Variants in BHMT observed in about 807,000 individuals in gnomAD.
BHMT encodes betaine--homocysteine S-methyltransferase, also known as betaine--homocysteine S-methyltransferase 1.
In BHMT, 38 loss-of-function variants were observed where a neutral mutation model predicts 49.5. That is an observed-to-expected ratio of 0.77 (90% CI 0.59 to 1.01). BHMT has a LOEUF of 1.01. Among genes scored for constraint, BHMT ranks in the 50% least tolerant of loss-of-function variants. BHMT has a pLI of 0.00. For missense variants in BHMT, 426 were observed against 495.7 expected (o/e 0.86, Z 1.34); for synonymous variants, 166 against 176.3 (o/e 0.94, Z 0.46).
chr5:79,120,399 A>G lies in BHMT; in HGVS notation c.335A>G (p.Asp112Gly), dbSNP rs920732655. Residue 112 changes from aspartate to glycine, a missense_variant, in exon 4 of 8, where the codon GAT becomes GGT. Asp to Gly is a moderately conservative substitution (Grantham distance 94). Transcript: ENST00000274353. Reference sequence around the variant, plus strand: ...TGCGACATCGCCCGACAAGTGGCTGATGAAGGAGATGCTTTGGTAGCAGGA... The same window carrying G: ...TGCGACATCGCCCGACAAGTGGCTGGTGAAGGAGATGCTTTGGTAGCAGGA... ...AACDIARQVA[D>G]EGDALVAGGV... 2.5e-6 allele frequency: 4 copies of G among 1,614,000 alleles called. No homozygotes were observed. The highest frequency in any genetic ancestry group is 3.4e-6 in the Non-Finnish European group (4 of 1,179,972).
intron 3 of BHMT, 170 bp from the exon 4 acceptor site, chr5:79,120,180 T>A (rs921224689): frequency 7.0e-6 from 4 of 573,266 alleles, no homozygotes; most frequent in African/African-American, 1.9e-5. Context: ...ATTAGTGTTA[T>A]TGTTATGGCA....
chr5:79,113,154 G>A (rs1756333844), intron 1 of BHMT, among the ~76,000 whole-genome samples: 4 of 152,220 alleles, frequency 2.6e-5, no homozygotes, highest in Admixed American at 2.0e-4. Flanking sequence ...ATGCAGCATC[G>A]TGGATGCATG....
intron 5 of BHMT, among the ~76,000 whole-genome samples, chr5:79,122,729 A>G (rs1026909796): frequency 2.0e-5 from 3 of 151,444 alleles, no homozygotes; most frequent in African/African-American, 7.3e-5. Flanking sequence ...ATATATAAGT[A>G]TATGTATATA....
chr5:79,116,930 T>A (rs186364472), intron 2 of BHMT, among the ~76,000 whole-genome samples: 1 of 152,300 alleles, frequency 6.6e-6, no homozygotes, highest in Non-Finnish European at 1.5e-5. Flanking sequence ...CCTCATTCTC[T>A]TGCTAAAGTT....
In BHMT at chr5:79,118,469, AAAAC is replaced by A. The variant is rs199901742; in HGVS notation, c.167-761_167-758del. On this transcript the variant is annotated intron_variant, in intron 2 of 7. Coordinates refer to ENST00000274353, the MANE Select transcript of BHMT (RefSeq NM_001713.3). ...GTGACAGAATGAGACTCCATCTCAA[AAAAC>A]AAACAAACAAACAAACAAACAAACA... is the stretch of plus-strand genomic sequence containing the variant. Among the ~76,000 whole-genome samples, 622 of 152,136 alleles carry A rather than the reference AAAAC, an allele frequency of 4.1e-3. 4 individuals are homozygous for A. Among genetic ancestry groups the A allele is most frequent in the African/African-American group, 0.01 (419 of 41,472 alleles).
At chr5:79,126,342 C>T (rs772336039) in intron 6 of BHMT, 114 bp downstream of exon 6, 17 of 1,238,000 alleles carry the variant, frequency 1.4e-5, no homozygotes, top group East Asian at 2.6e-5. Flanking sequence ...CTTGGTGTCT[C>T]CTCATGTCTT....
intron 2 of BHMT, 149 bp from the exon 3 acceptor site, chr5:79,119,110 G>C: frequency 1.6e-6 from 1 of 616,742 alleles, no homozygotes; most frequent in South Asian, 2.2e-5. Context: ...AGAGACTTCA[G>C]ATCTACCTCT....
intron 5 of BHMT, among the ~76,000 whole-genome samples, chr5:79,125,282 C>T (rs1561255114): frequency 6.6e-6 from 1 of 151,708 alleles, no homozygotes; most frequent in Non-Finnish European, 1.5e-5. Context: ...ATGGTGAAAC[C>T]CTGTCTCCAC....
chr5:79,129,614 T>A (rs1341703019), intron 7 of BHMT, among the ~76,000 whole-genome samples: 7 of 152,056 alleles, frequency 4.6e-5, no homozygotes, highest in African/African-American at 1.4e-4. Context: ...AGTTAGCAAG[T>A]TGTAATCGCC....
At chr5:79,119,802 A>T (rs949927840) in intron 3 of BHMT, among the ~76,000 whole-genome samples, 8 of 152,324 alleles carry the variant, frequency 5.3e-5, no homozygotes, top group African/African-American at 1.4e-4. Context: ...ATCAAGGCTG[A>T]GGTTTCCAAA....
At chr5:79,120,580 T>C (rs1355131245) in intron 4 of BHMT, 39 bp downstream of exon 4, 8 of 1,556,236 alleles carry the variant, frequency 5.1e-6, no homozygotes, top group Non-Finnish European at 6.9e-6. Flanking sequence ...CAAATACACC[T>C]AGTACATTTT....
intron 1 of BHMT, among the ~76,000 whole-genome samples, chr5:79,115,267 A>G (rs570942281): frequency 6.6e-6 from 1 of 152,010 alleles, no homozygotes; most frequent in Admixed American, 6.5e-5. Context: ...CAGGAGTTCA[A>G]GTTCCTCTGG....
intron 5 of BHMT, among the ~76,000 whole-genome samples, chr5:79,122,175 T>C (rs2112728081): frequency 6.6e-6 from 1 of 152,200 alleles, no homozygotes; most frequent in African/African-American, 2.4e-5. Context: ...ACTCCTGACC[T>C]CGTGATCCAC....
At chr5:79,124,428 A>C (rs909120355) in intron 5 of BHMT, among the ~76,000 whole-genome samples, 1 of 150,996 alleles carries the variant, frequency 6.6e-6, no homozygotes, top group East Asian at 2.0e-4. Flanking sequence ...GCCCAGTTTT[A>C]CATGATATAT....
intron 5 of BHMT, among the ~76,000 whole-genome samples, chr5:79,123,848 G>C (rs1756510676): frequency 1.3e-5 from 2 of 152,016 alleles, no homozygotes; most frequent in South Asian, 4.2e-4. Flanking sequence ...TACTGCACCT[G>C]GCCCAAAAAA....
intron 5 of BHMT, among the ~76,000 whole-genome samples, chr5:79,124,094 A>G (rs1756513596): frequency 6.6e-6 from 1 of 152,214 alleles, no homozygotes; most frequent in Admixed American, 6.5e-5. Flanking sequence ...GGGCAAATCC[A>G]CAGAGACAGA....
intron 6 of BHMT, among the ~76,000 whole-genome samples, chr5:79,126,533 G>A (rs1481943941): frequency 6.6e-6 from 1 of 152,124 alleles, no homozygotes; most frequent in South Asian, 2.1e-4. Flanking sequence ...CCCTTCATGG[G>A]AGAATCAACA....
intron 4 of BHMT, 119 bp from the exon 5 acceptor site, chr5:79,121,099 C>T (rs1756461742): frequency 5.5e-6 from 7 of 1,271,100 alleles, no homozygotes; most frequent in South Asian, 1.5e-5. Flanking sequence ...TGCAGTGAGC[C>T]GAAATCGCAC....
intron 2 of BHMT, chr5:79,116,133 G>A (rs1341034440): frequency 3.3e-5 from 12 of 359,144 alleles, no homozygotes; most frequent in East Asian, 2.8e-4. Flanking sequence ...CAGGAGGATC[G>A]CTTGAGCTAT....
Sources: gnomAD v4.1 joint callset for allele counts (sites outside exome capture counted in the v4.1 genomes callset) on GRCh38, gnomAD v4.1.1 for gene constraint, MANE v1.5 for transcripts, NCBI Gene and HGNC (gene_info 2026-07-23, HGNC 2026-07-21) for gene names.